Variants in MARVELD3 observed in about 807,000 individuals in gnomAD.
MARVELD3 encodes the protein MARVEL domain-containing protein 3.
A neutral mutation model predicts 33.5 loss-of-function variants in MARVELD3; 28 were observed. The observed-to-expected ratio is 0.84, with a 90% CI of 0.62 to 1.15. The LOEUF (loss-of-function observed/expected upper bound fraction) is 1.15. MARVELD3 is among the 50% of genes most tolerant of loss of function. The probability of loss-of-function intolerance (pLI) is 0.00; values close to 1 mark genes in which losing one functional copy is unlikely to be tolerated. For synonymous variants in MARVELD3, 241 were observed against 230.4 expected (o/e 1.05, Z -0.42); for missense variants, 582 against 547.6 (o/e 1.06, Z -0.63).
chr16:71,626,878 C>A lies in MARVELD3; in HGVS notation c.467+182C>A, dbSNP rs1160190005. 1.8e-6 allele frequency: 1 copy of A among 548,902 alleles called. No individual in the cohort carries two copies. The highest frequency in any genetic ancestry group is 3.0e-6 in the Non-Finnish European group (1 of 335,446). 34.0% of individuals were successfully genotyped at this position (548,902 alleles called of 1,614,324 possible). A position where few individuals can be genotyped will look rare whatever the true frequency, so the allele number is the denominator to read the frequency against. The stretch of plus-strand genomic sequence containing the variant: ...GGGAAGGAAAACTTTAGGGTTCCCC[C>A]TTCTCGTGGCCTGAACCCAACTAAC... On this transcript the variant is annotated intron_variant, in intron 1 of 2. Transcript: ENST00000268485. The surrounding 1 kb of genome is among the most constrained non-coding windows in gnomAD (Gnocchi z 5.3).
intron 2 of MARVELD3, among the ~76,000 whole-genome samples, chr16:71,632,674 C>T (rs2044544477): frequency 6.6e-6 from 1 of 150,810 alleles, no homozygotes. Flanking sequence ...TACAGTGGTG[C>T]AATCTCAGCT....
intron 2 of MARVELD3, among the ~76,000 whole-genome samples, chr16:71,630,888 C>A (rs2044526449): frequency 6.6e-6 from 1 of 152,118 alleles, no homozygotes; most frequent in South Asian, 2.1e-4. Flanking sequence ...TCCAGCCTAT[C>A]ATGTATCCAC....
rs1345868 is a variant in MARVELD3 at position 71,635,721 on chromosome 16, C to A, written c.*918C>A. 280,919 of 985,008 alleles carry A rather than the reference C, an allele frequency of 0.29. 40,664 individuals are homozygous for A. The highest frequency in any genetic ancestry group is 0.3 in the Non-Finnish European group (245,145 of 829,824). The allele number at this position is 985,008 out of a possible 1,614,324, so 61.0% of individuals were successfully genotyped here. A position where few individuals can be genotyped will look rare whatever the true frequency, so the allele number is the denominator to read the frequency against. On this transcript the variant is annotated 3_prime_UTR_variant, in exon 3 of 3. Coordinates refer to ENST00000268485, the MANE Select transcript of MARVELD3 (RefSeq NM_052858.6). ...CAAGCAGATTACTCCACACGTTTTT[C>A]CACACTGAACTCTCCAGTCCTTCCA...
intron 1 of MARVELD3, among the ~76,000 whole-genome samples, chr16:71,627,005 C>T (rs1359413356): frequency 6.6e-6 from 1 of 152,164 alleles, no homozygotes; most frequent in East Asian, 1.9e-4. Flanking sequence ...GGAGACCAGG[C>T]GGGTGGGGTT....
At chr16:71,641,240 G>T (rs538239446), downstream of MARVELD3, 464 of 564,064 alleles carry the variant, frequency 8.2e-4, no homozygotes, top group Non-Finnish European at 1.2e-3. Flanking sequence ...ATCGCTTGAG[G>T]TCAGCAGATT....
chr16:71,635,440 A>C lies in MARVELD3; in HGVS notation c.*637A>C. 1.0e-6 allele frequency: 1 copy of C among 984,280 alleles called. No homozygotes were observed. The highest frequency in any genetic ancestry group is 1.2e-6 in the Non-Finnish European group (1 of 829,732). The allele number at this position is 984,280 out of a possible 1,614,324, so 61.0% of individuals were successfully genotyped here. A position where few individuals can be genotyped will look rare whatever the true frequency, so the allele number is the denominator to read the frequency against. On this transcript the variant is annotated 3_prime_UTR_variant, in exon 3 of 3. Transcript: ENST00000268485. ...AAAGGGAGGTCACCAAGAGAATTTGATGAACCTTACCTTCAAAGTTCCTGG... is the reference window on the plus strand; with the variant it reads ...AAAGGGAGGTCACCAAGAGAATTTGCTGAACCTTACCTTCAAAGTTCCTGG...
downstream of MARVELD3, chr16:71,639,060 CTTTTTTTTTTTTTTTT>C (rs34319437): frequency 1.7e-5 from 1 of 59,584 alleles, no homozygotes; most frequent in African/African-American, 6.9e-5. Flanking sequence ...CAGACTGGTT[CTTTTTTTTTTTTTTTT>C]TTTTTTTTTT....
chr16:71,640,102 C>T (rs946129774), downstream of MARVELD3, among the ~76,000 whole-genome samples: 5 of 151,934 alleles, frequency 3.3e-5, no homozygotes, highest in Admixed American at 1.3e-4. Context: ...AACCCCGTCT[C>T]TACTAAAAAT....
In MARVELD3 at chr16:71,629,273, A is replaced by G. The variant is rs1040694693; in HGVS notation, c.468-94A>G. 5 of 1,336,294 alleles carry G rather than the reference A, an allele frequency of 3.7e-6. No homozygotes were observed. In the African/African-American group the frequency reaches 6.2e-5, roughly 17 times the overall value. 82.8% of individuals were successfully genotyped at this position (1,336,294 alleles called of 1,614,324 possible). On this transcript the variant is annotated intron_variant, in intron 1 of 2. Transcript: ENST00000268485. ...GACAAATTCTATTTCTGTTCTGCTA[A>G]TATTTGGGCCCAGCACGAGGAGTCA...
Position 71,626,332 on chromosome 16 carries a change from C to A in MARVELD3, c.103C>A (p.Arg35=). The part of the protein sequence containing the change: ...PDQGRTHDRP[R]DRPGDPRRKR... ...CCAAGGCCGCACCCACGATCGACCG[C>A]GGGACCGACCCGGGGACCCGCGCAG... The change falls in exon 1 of 3, where the codon CGG becomes AGG. Residue 35 remains arginine, a synonymous_variant. Transcript: ENST00000268485. This position sits in a 1 kb window ranked among gnomAD's most constrained non-coding sequence, Gnocchi z 5.3. 6.5e-7 allele frequency: 1 copy of A among 1,548,240 alleles called. No individual in the cohort carries two copies. The highest frequency in any genetic ancestry group is 8.7e-7 in the Non-Finnish European group (1 of 1,146,734).
chr16:71,626,891 GA>G lies in MARVELD3; in HGVS notation c.467+197del. ...TTAGGGTTCCCCCTTCTCGTGGCCT[GA>G]ACCCAACTAACAAAGCAAAAACCAC... On this transcript the variant is annotated intron_variant, in intron 1 of 2. Coordinates refer to ENST00000268485, the MANE Select transcript of MARVELD3 (RefSeq NM_052858.6). The surrounding 1 kb of genome is among the most constrained non-coding windows in gnomAD (Gnocchi z 5.3). The G allele has an allele frequency of 1.9e-6, 1 of 514,156 alleles. No individual in the cohort carries two copies. The highest frequency in any genetic ancestry group is 3.2e-6 in the Non-Finnish European group (1 of 308,392). 31.8% of individuals were successfully genotyped at this position (514,156 alleles called of 1,614,324 possible). A position where few individuals can be genotyped will look rare whatever the true frequency, so the allele number is the denominator to read the frequency against.
At chr16:71,637,884 TTTGTTG>T (rs746245351), downstream of MARVELD3, 3 of 152,236 alleles carry the variant, frequency 2.0e-5, no homozygotes, top group African/African-American at 7.2e-5. Context: ...TACTTGCTTT[TTTGTTG>T]TTGTTGTTAA....
At chr16:71,640,443 G>A (rs1352874474), downstream of MARVELD3, 3 of 1,614,102 alleles carry the variant, frequency 1.9e-6, no homozygotes, top group Admixed American at 1.7e-5. Flanking sequence ...CATATGCATC[G>A]TGGCCTCCTA....
chr16:71,637,174 G>A (rs1435316726), downstream of MARVELD3, among the ~76,000 whole-genome samples: 1 of 152,106 alleles, frequency 6.6e-6, no homozygotes, highest in Non-Finnish European at 1.5e-5. Context: ...TCAACAGTCC[G>A]AATATCATTG....
chr16:71,628,590 GAGA>G (rs1260149947), intron 1 of MARVELD3, among the ~76,000 whole-genome samples: 1 of 151,808 alleles, frequency 6.6e-6, no homozygotes, highest in South Asian at 2.1e-4. Flanking sequence ...GTGTCCCAAG[GAGA>G]AGAATAGCTT....
intron 2 of MARVELD3, among the ~76,000 whole-genome samples, chr16:71,630,082 A>T (rs752770039): frequency 9.2e-5 from 5 of 54,414 alleles, no homozygotes; most frequent in African/African-American, 1.4e-4. Flanking sequence ...TCTCTAGTTT[A>T]AAAAAAAAAA....
Position 71,626,441 on chromosome 16 carries a change from G to A in MARVELD3, c.212G>A (p.Arg71Gln), listed in dbSNP as rs1432747453. 7.1e-6 allele frequency: 11 copies of A among 1,548,758 alleles called. No homozygotes were observed. Among genetic ancestry groups the A allele is most frequent in the Non-Finnish European group, 9.6e-6 (11 of 1,146,480 alleles). ...CAGGAGAGGGACGGGAACCGCGACC[G>A]GAACCGGGACCGGGAGAGGGAGAGA... The part of the protein sequence containing the change: ...RDQERDGNRD[R>Q]NRDRERERER... Residue 71 changes from arginine to glutamine, a missense_variant, in exon 1 of 3, where the codon CGG becomes CAG. Transcript: ENST00000268485. The surrounding 1 kb of genome is among the most constrained non-coding windows in gnomAD (Gnocchi z 5.3).
chr16:71,638,519 C>CAT (rs1473513129), downstream of MARVELD3: 1 of 152,352 alleles, frequency 6.6e-6, no homozygotes, highest in Non-Finnish European at 1.5e-5. Context: ...GAACACTGGA[C>CAT]AATTATATTG....
downstream of MARVELD3, chr16:71,640,438 G>A: frequency 6.2e-7 from 1 of 1,614,144 alleles, no homozygotes; most frequent in Non-Finnish European, 8.5e-7. Flanking sequence ...GTTCTCATAT[G>A]CATCGTGGCC....
Sources: allele counts gnomAD v4.1 joint callset (sites outside exome capture counted in the v4.1 genomes callset), GRCh38; gene constraint gnomAD v4.1.1; non-coding constraint Gnocchi (gnomAD v3.1); transcripts MANE v1.5; gene names NCBI Gene and HGNC (gene_info 2026-07-23, HGNC 2026-07-21).